The following VPS54 variants were observed in gnomAD, a reference collection of about 807,000 sequenced individuals.
VPS54 encodes the protein VPS54 subunit of GARP complex.
Under a neutral mutation model 121.5 loss-of-function variants are expected in VPS54, and 45 were observed. The ratio of observed to expected loss-of-function variants is 0.37; its 90% CI spans 0.29 to 0.47. The LOEUF is 0.47. Among genes scored for constraint, VPS54 ranks in the 20% least tolerant of loss-of-function variants. VPS54 has a pLI of 0.99. For missense variants in VPS54, 1,090 were observed against 1,131.4 expected (o/e 0.96, Z 0.52); for synonymous variants, 371 against 385.8 (o/e 0.96, Z 0.45).
intron 12 of VPS54, among the ~76,000 whole-genome samples, chr2:63,927,552 GAGA>G (rs903366651): frequency 6.6e-6 from 1 of 152,168 alleles, no homozygotes; most frequent in African/African-American, 2.4e-5. Flanking sequence ...AAAAGATGGG[GAGA>G]AACCAGAGTA....
At chr2:63,980,184 C>A (rs1233566239) in intron 3 of VPS54, among the ~76,000 whole-genome samples, 1 of 152,028 alleles carries the variant, frequency 6.6e-6, no homozygotes, top group Non-Finnish European at 1.5e-5. Context: ...GTTAGCTGAC[C>A]CTTTTATCAT....
intron 12 of VPS54, among the ~76,000 whole-genome samples, chr2:63,926,257 C>CA (rs1305179452): frequency 6.6e-6 from 1 of 152,182 alleles, no homozygotes; most frequent in African/African-American, 2.4e-5. Flanking sequence ...TGAAATGTTA[C>CA]ATGAGAGAAA....
intron 3 of VPS54, among the ~76,000 whole-genome samples, chr2:63,973,790 C>G (rs1017448749): frequency 6.6e-6 from 1 of 152,148 alleles, no homozygotes; most frequent in African/African-American, 2.4e-5. Flanking sequence ...AGTGATTCTT[C>G]CACCTCCACC....
At chr2:63,913,574 A>G (rs1274199374) in intron 17 of VPS54, among the ~76,000 whole-genome samples, 2 of 152,220 alleles carry the variant, frequency 1.3e-5, no homozygotes, top group Non-Finnish European at 2.9e-5. Flanking sequence ...TTGCATGTAC[A>G]AAACAAATTC....
chr2:63,951,839 C>G lies in VPS54; in HGVS notation c.1011-2676G>C, dbSNP rs868394889. Among the ~76,000 whole-genome samples, 4 of 152,124 alleles carry G rather than the reference C, an allele frequency of 2.6e-5. No individual in the cohort carries two copies. The Middle Eastern group carries it at 0.01, about 388-fold the overall frequency. On this transcript the variant is annotated intron_variant, in intron 7 of 22. Transcript: ENST00000272322. ...CTGTGTATAAATGGACCCACAAGTC[C>G]AAACCCATGTTGTTCAAGGTCAAAG...
At chr2:63,943,038 C>G (rs1674809948) in intron 10 of VPS54, among the ~76,000 whole-genome samples, 1 of 152,136 alleles carries the variant, frequency 6.6e-6, no homozygotes, top group African/African-American at 2.4e-5. Context: ...AGTGACTTAA[C>G]CCCTCCACGC....
intron 3 of VPS54, among the ~76,000 whole-genome samples, chr2:63,977,959 A>G (rs1036720748): frequency 6.6e-6 from 1 of 152,136 alleles, no homozygotes; most frequent in East Asian, 1.9e-4. Context: ...TTCCCTGCAG[A>G]CCTCTTAAAT....
chr2:64,019,370 G>A lies in VPS54; in HGVS notation c.-453C>T, dbSNP rs1472342618. 1.3e-5 allele frequency among the ~76,000 whole-genome samples: 2 copies of A among 151,056 alleles called. No homozygotes were observed. The highest frequency in any genetic ancestry group is 3.0e-5 in the Non-Finnish European group (2 of 67,722). Reference sequence around the variant, plus strand: ...TCACCCCGCCGGCCCAGCCGGCTCGGCCCGGTCGGGTGCGGGGAGACAGCG... The same window carrying A: ...TCACCCCGCCGGCCCAGCCGGCTCGACCCGGTCGGGTGCGGGGAGACAGCG... On this transcript the variant is annotated 5_prime_UTR_variant, in exon 1 of 23. Transcript: ENST00000272322.
chr2:63,933,781 C>T lies in VPS54; in HGVS notation c.1631G>A (p.Ser544Asn). 6.2e-7 allele frequency: 1 copy of T among 1,613,894 alleles called. No individual in the cohort carries two copies. Among genetic ancestry groups the T allele is most frequent in the African/African-American group, 1.3e-5 (1 of 75,022 alleles). Reference sequence around the variant, plus strand: ...TACAGAATCACTGCTGCAGGGCTCACTATTTGGAGATGCATTTCTTTGAGA... The same window carrying T: ...TACAGAATCACTGCTGCAGGGCTCATTATTTGGAGATGCATTTCTTTGAGA... ...TTSQRNASPN[S>N]EPCSSDSVSE... The change falls in exon 12 of 23, where the codon AGT becomes AAT. Residue 544 changes from serine to asparagine, a missense_variant. Ser to Asn is a conservative substitution (Grantham distance 46, BLOSUM62 1). Coordinates refer to ENST00000272322, the MANE Select transcript of VPS54 (RefSeq NM_016516.3).
chr2:63,971,756 C>A (rs926216480), intron 4 of VPS54, among the ~76,000 whole-genome samples: 1 of 152,144 alleles, frequency 6.6e-6, no homozygotes, highest in Non-Finnish European at 1.5e-5. Flanking sequence ...AACATCAGTT[C>A]TTTGAGGACC....
chr2:63,912,674 G>A lies in VPS54; in HGVS notation c.2423-13C>T, dbSNP rs757870427. 6 of 1,561,726 alleles carry A rather than the reference G, an allele frequency of 3.8e-6. No homozygotes were observed. The highest frequency in any genetic ancestry group is 2.3e-5 in the East Asian group (1 of 42,842). On this transcript the variant is annotated splice_polypyrimidine_tract_variant and intron_variant, in intron 18 of 22. Transcript: ENST00000272322. ...CGTGAAGAAAGAGCTGAAGATCCAG[G>A]GAGTAGATATATAATGGAGAAATAA...
At chr2:63,939,959 T>C (rs775190401) in intron 11 of VPS54, among the ~76,000 whole-genome samples, 4 of 152,146 alleles carry the variant, frequency 2.6e-5, no homozygotes, top group Admixed American at 2.0e-4. Context: ...GGTTTCACCA[T>C]ATTGGCCAGG....
At chr2:63,950,615 T>C (rs918598257) in intron 7 of VPS54, among the ~76,000 whole-genome samples, 1 of 152,178 alleles carries the variant, frequency 6.6e-6, no homozygotes, top group East Asian at 1.9e-4. Flanking sequence ...GCAGCTGTTA[T>C]TTATCTTCTC....
intron 1 of VPS54, among the ~76,000 whole-genome samples, chr2:63,991,678 T>C (rs574632707): frequency 6.6e-6 from 1 of 152,286 alleles, no homozygotes; most frequent in East Asian, 1.9e-4. Context: ...ACTCTAAGTA[T>C]GATACAGATG....
chr2:63,933,809 T>C lies in VPS54; in HGVS notation c.1603A>G (p.Thr535Ala), dbSNP rs1674326749. ...TTTGGAGATGCATTTCTTTGAGAGG[T>C]AGTGTCAACTGCTATAGGTGTTAGC... ...GELTPIAVDT[T>A]SQRNASPNSE... The change falls in exon 12 of 23, where the codon ACC becomes GCC. Residue 535 changes from threonine to alanine, a missense_variant. This residue lies in a region of VPS54 where 801 missense variants were observed against 757.0 expected (regional missense o/e 1.06). Transcript: ENST00000272322. 9 of 1,613,832 alleles carry C rather than the reference T, an allele frequency of 5.6e-6. No individual in the cohort carries two copies. Among genetic ancestry groups the C allele is most frequent in the Non-Finnish European group, 7.6e-6 (9 of 1,179,850 alleles).
chr2:63,912,610 C>G lies in VPS54; in HGVS notation c.2474G>C (p.Arg825Pro). The change falls in exon 19 of 23, where the codon CGG becomes CCG. Residue 825 changes from arginine (R) to proline (P), a missense_variant. Physicochemically the swap from Arg to Pro is moderately radical, Grantham distance 103. Transcript: ENST00000272322. ...QLIVHYIPVI[R>P]AHFEARLPPK... ...TGGTAGTCGAGCTTCAAAATGAGCC[C>G]GGATCACAGGAATGTAGTGCACAAT... The G allele has an allele frequency of 6.3e-7, 1 of 1,596,168 alleles. No homozygotes were observed. Among genetic ancestry groups the G allele is most frequent in the Non-Finnish European group, 8.5e-7 (1 of 1,175,922 alleles).
chr2:63,953,720 T>C lies in VPS54; in HGVS notation c.1011-4557A>G, dbSNP rs532314786. 7.2e-4 allele frequency among the ~76,000 whole-genome samples: 110 copies of C among 152,274 alleles called. 1 individual carries two copies. The highest frequency in any genetic ancestry group is 2.6e-3 in the African/African-American group (108 of 41,568). ...ACAGATAGATGGATGGATAGATAGA[T>C]ACAAACTAAAACTTTTAAATGGCGA... On this transcript the variant is annotated intron_variant, in intron 7 of 22. Transcript: ENST00000272322.
At chr2:63,947,061 T>A (rs1162007587) in intron 9 of VPS54, among the ~76,000 whole-genome samples, 1 of 151,814 alleles carries the variant, frequency 6.6e-6, no homozygotes, top group Non-Finnish European at 1.5e-5. Context: ...TAATGGGACT[T>A]TACACAATCA....
chr2:63,905,970 C>A (rs191221270), intron 20 of VPS54, among the ~76,000 whole-genome samples: 6 of 152,208 alleles, frequency 3.9e-5, no homozygotes, highest in Admixed American at 3.9e-4. Flanking sequence ...AAGTATTTGA[C>A]AAAATTCAAC....
Sources: allele counts gnomAD v4.1 joint callset (sites outside exome capture counted in the v4.1 genomes callset), GRCh38; gene constraint gnomAD v4.1.1; regional missense constraint gnomAD v4.1.1; transcripts MANE v1.5; gene names NCBI Gene and HGNC (gene_info 2026-07-23, HGNC 2026-07-21).